The following IMPG1 variants were observed in gnomAD, a reference collection of about 807,000 sequenced individuals.
The protein encoded by IMPG1 is interphotoreceptor matrix proteoglycan 1.
In IMPG1, 85 loss-of-function variants were observed where a neutral mutation model predicts 92.0. The ratio of observed to expected loss-of-function variants is 0.92; its 90% CI spans 0.78 to 1.11. The LOEUF is 1.11. Among genes scored for constraint, IMPG1 ranks in the 50% least tolerant of loss-of-function variants. The pLI is 0.00. For missense variants in IMPG1, 1,022 were observed against 956.0 expected (o/e 1.07, Z -0.91); for synonymous variants, 367 against 334.1 (o/e 1.10, Z -1.08).
intron 12 of IMPG1, among the ~76,000 whole-genome samples, chr6:75,982,440 C>T (rs1458253093): frequency 6.6e-6 from 1 of 151,702 alleles, no homozygotes; most frequent in Non-Finnish European, 1.5e-5. Flanking sequence ...ACTCAGGAGG[C>T]TGAGGTAGGA....
intron 7 of IMPG1, among the ~76,000 whole-genome samples, chr6:76,014,321 G>A (rs983798693): frequency 1.3e-5 from 2 of 152,210 alleles, no homozygotes; most frequent in Non-Finnish European, 2.9e-5. Flanking sequence ...CAAGTCTTTA[G>A]TTAGTCATTT....
intron 12 of IMPG1, among the ~76,000 whole-genome samples, chr6:75,979,867 T>A (rs1241891797): frequency 6.6e-6 from 1 of 152,226 alleles, no homozygotes; most frequent in Non-Finnish European, 1.5e-5. Flanking sequence ...CTCACCCTGT[T>A]AAACCACAGG....
intron 11 of IMPG1, 60 bp downstream of exon 11, chr6:76,003,814 T>C: frequency 8.1e-7 from 1 of 1,233,282 alleles, no homozygotes; most frequent in South Asian, 1.3e-5. Flanking sequence ...TGATTTGTTC[T>C]TTGGTGGAAG....
At chr6:76,041,042 G>A (rs572539396) in intron 2 of IMPG1, among the ~76,000 whole-genome samples, 14 of 152,208 alleles carry the variant, frequency 9.2e-5, no homozygotes, top group South Asian at 4.2e-4. Flanking sequence ...CTCAACTTTC[G>A]CATGTAAGAT....
At chr6:76,032,079 T>G (rs1226029932) in intron 4 of IMPG1, among the ~76,000 whole-genome samples, 1 of 152,240 alleles carries the variant, frequency 6.6e-6, no homozygotes, top group Non-Finnish European at 1.5e-5. Context: ...CTTTTCTTTC[T>G]TTTTTGAAAA....
intron 5 of IMPG1, 35 bp from the exon 6 acceptor site, chr6:76,022,254 G>C (rs1562373424): frequency 8.7e-7 from 1 of 1,151,548 alleles, no homozygotes; most frequent in South Asian, 1.2e-5. Context: ...ACACAAAAAT[G>C]AGAATGGAGG....
rs144427143 is a variant in IMPG1 at position 76,053,149 on chromosome 6, A to G, written c.68-11023T>C. On this transcript the variant is annotated intron_variant, in intron 1 of 16. Transcript: ENST00000369950. The stretch of plus-strand genomic sequence containing the variant: ...TAATTATGTGTACTTTTTGGAAACC[A>G]TCTCCATAAGTTTCAGAATGTGGAG... 7.9e-5 allele frequency among the ~76,000 whole-genome samples: 12 copies of G among 152,300 alleles called. No individual in the cohort carries two copies. The East Asian group carries it at 2.3e-3, about 29-fold the overall frequency.
At chr6:75,935,032 G>A (rs1426012502) in intron 14 of IMPG1, 3 of 470,298 alleles carry the variant, frequency 6.4e-6, no homozygotes, top group Middle Eastern at 3.8e-4. Context: ...GCTGGGCTGA[G>A]GTCCCGTTGG....
intron 12 of IMPG1, among the ~76,000 whole-genome samples, chr6:75,989,527 A>G (rs183568647): frequency 6.6e-6 from 1 of 152,196 alleles, no homozygotes; most frequent in African/African-American, 2.4e-5. Context: ...TCTAAAGAGT[A>G]TATTTTCTTA....
intron 14 of IMPG1, among the ~76,000 whole-genome samples, chr6:75,943,556 G>T (rs1272056051): frequency 1.3e-5 from 2 of 152,172 alleles, no homozygotes; most frequent in African/African-American, 4.8e-5. Context: ...TGGTGCCTGC[G>T]GAAAGATGAG....
intron 1 of IMPG1, among the ~76,000 whole-genome samples, chr6:76,050,454 G>A (rs1389624637): frequency 6.6e-6 from 1 of 151,880 alleles, no homozygotes; most frequent in Non-Finnish European, 1.5e-5. Flanking sequence ...AAAAAAATTA[G>A]GTTTGGATCA....
At chr6:75,942,335 G>A (rs940519012) in intron 14 of IMPG1, among the ~76,000 whole-genome samples, 2 of 152,084 alleles carry the variant, frequency 1.3e-5, no homozygotes, top group African/African-American at 2.4e-5. Flanking sequence ...GTAAATACTT[G>A]AAAGATCAAA....
At chr6:76,015,466 G>A (rs1368124940) in intron 7 of IMPG1, among the ~76,000 whole-genome samples, 1 of 152,160 alleles carries the variant, frequency 6.6e-6, no homozygotes, top group Non-Finnish European at 1.5e-5. Context: ...TGGGCAGGAT[G>A]TACTCTTCTT....
chr6:76,071,966 A>G (rs1176996690), intron 1 of IMPG1, among the ~76,000 whole-genome samples: 4 of 152,056 alleles, frequency 2.6e-5, no homozygotes, highest in Admixed American at 2.6e-4. Context: ...AATGTTTGCT[A>G]TTTTCTAAGG....
intron 12 of IMPG1, among the ~76,000 whole-genome samples, chr6:75,977,762 C>G (rs1055664709): frequency 1.3e-5 from 2 of 150,792 alleles, no homozygotes; most frequent in Admixed American, 6.6e-5. Context: ...GATGGGCAGA[C>G]TTGGAGAGTC....
chr6:76,033,192 A>G (rs985569222), intron 4 of IMPG1, among the ~76,000 whole-genome samples: 4 of 152,188 alleles, frequency 2.6e-5, no homozygotes, highest in African/African-American at 9.6e-5. Context: ...AACTGAGCTG[A>G]AGCTGAAGAA....
intron 4 of IMPG1, among the ~76,000 whole-genome samples, 197 bp from the exon 5 acceptor site, chr6:76,025,455 C>T (rs902595643): frequency 1.3e-5 from 2 of 152,154 alleles, no homozygotes; most frequent in African/African-American, 4.8e-5. Context: ...GCAAAAAACT[C>T]TCCAAAATGG....
At chr6:75,942,931 C>T (rs767752343) in intron 14 of IMPG1, among the ~76,000 whole-genome samples, 4 of 152,122 alleles carry the variant, frequency 2.6e-5, no homozygotes, top group African/African-American at 7.2e-5. Context: ...TGTAACTGTA[C>T]AGGCTTTTTT....
intron 14 of IMPG1, chr6:75,934,933 G>C (rs1781719384): frequency 2.1e-6 from 1 of 471,362 alleles, no homozygotes; most frequent in African/African-American, 2.0e-5. Flanking sequence ...GTGTTGGACA[G>C]AAAGTGATAC....
Sources: allele counts gnomAD v4.1 joint callset (sites outside exome capture counted in the v4.1 genomes callset), GRCh38; gene constraint gnomAD v4.1.1; transcripts MANE v1.5; gene names NCBI Gene and HGNC (gene_info 2026-07-23, HGNC 2026-07-21).